The following RSF1 variants were observed in gnomAD, a reference collection of about 807,000 sequenced individuals.
RSF1 encodes HBV pX-associated protein 8.
RSF1 carries 13 observed loss-of-function variants against 145.2 expected under a neutral mutation model. The ratio of observed to expected loss-of-function variants is 0.09; its 90% CI spans 0.06 to 0.14. The LOEUF (loss-of-function observed/expected upper bound fraction) is 0.14. RSF1 is among the 10% of genes least tolerant of loss of function. RSF1 has a pLI of 1.00. For missense variants in RSF1, 1,517 were observed against 1,718.2 expected, an observed-to-expected ratio of 0.88 and a Z score of 2.07; for synonymous variants, 577 against 592.6, an observed-to-expected ratio of 0.97 and a Z score of 0.38.
chr11:77,832,969 G>A, the RSF1 span, among the ~76,000 whole-genome samples: 40 of 60,650 alleles, frequency 6.6e-4, 2 homozygotes, highest in African/African-American at 1.8e-3. Flanking sequence ...GTGTGTGTGT[G>A]TGTGTGTGTG....
chr11:77,869,794 C>T, the RSF1 span: 58 of 1,613,788 alleles, frequency 3.6e-5, no homozygotes, highest in East Asian at 8.2e-4. Context: ...TGTGATTGGC[C>T]GAGGGATGAG....
chr11:77,746,958 G>C, intron 3 of RSF1, 78 bp downstream of exon 3: 1 of 837,832 alleles, frequency 1.2e-6, no homozygotes, highest in Non-Finnish European at 1.9e-6. Context: ...TCTACTTTTT[G>C]TTTATTTTCC....
chr11:77,815,747 T>TA (rs969194599), intron 1 of RSF1, among the ~76,000 whole-genome samples: 1 of 149,912 alleles, frequency 6.7e-6, no homozygotes, highest in African/African-American at 2.4e-5. Flanking sequence ...AATGTTTTTT[T>TA]AAAAAAATAA....
chr11:77,872,128 TG>T, the RSF1 span: 70 of 1,587,278 alleles, frequency 4.4e-5, no homozygotes, highest in East Asian at 6.7e-5. Context: ...AAGGAACCCC[TG>T]GGGGGCCTTT....
At chr11:77,710,029 A>C (rs1429864307) in intron 5 of RSF1, among the ~76,000 whole-genome samples, 1 of 152,232 alleles carries the variant, frequency 6.6e-6, no homozygotes, top group Admixed American at 6.5e-5. Flanking sequence ...AAACAAATGC[A>C]TAGCTTAATA....
At chr11:77,741,550 T>G (rs1947939019) in intron 3 of RSF1, among the ~76,000 whole-genome samples, 1 of 147,496 alleles carries the variant, frequency 6.8e-6, no homozygotes, top group African/African-American at 2.5e-5. Context: ...TAAAAATGTT[T>G]CATTTTTTTT....
intron 1 of RSF1, among the ~76,000 whole-genome samples, chr11:77,766,110 A>T (rs1463160093): frequency 6.6e-6 from 1 of 151,824 alleles, no homozygotes; most frequent in African/African-American, 2.4e-5. Context: ...AAGATCCCAT[A>T]CTCAAATATA....
intron 1 of RSF1, among the ~76,000 whole-genome samples, chr11:77,812,210 A>G (rs1948738429): frequency 6.6e-6 from 1 of 152,152 alleles, no homozygotes; most frequent in African/African-American, 2.4e-5. Flanking sequence ...ACAAGCAGAA[A>G]TTCAATTTTC....
chr11:77,846,094 G>A, the RSF1 span, among the ~76,000 whole-genome samples: 4 of 151,684 alleles, frequency 2.6e-5, no homozygotes, highest in Admixed American at 1.3e-4. Context: ...AGGGTTTGTT[G>A]TTGCTATTTT....
At chr11:77,761,467 A>G (rs1230605014) in intron 2 of RSF1, among the ~76,000 whole-genome samples, 1 of 151,394 alleles carries the variant, frequency 6.6e-6, no homozygotes, top group Non-Finnish European at 1.5e-5. Context: ...GGGATAATTT[A>G]TTAATAATTG....
intron 4 of RSF1, among the ~76,000 whole-genome samples, chr11:77,737,121 C>A (rs1195925569): frequency 6.6e-6 from 1 of 152,082 alleles, no homozygotes; most frequent in African/African-American, 2.4e-5. Flanking sequence ...TAACCTGGCA[C>A]CATTTTCTAA....
intron 9 of RSF1, among the ~76,000 whole-genome samples, chr11:77,685,662 G>C (rs893143390): frequency 2.6e-5 from 4 of 152,046 alleles, no homozygotes; most frequent in African/African-American, 7.2e-5. Flanking sequence ...ACATTTCCTA[G>C]GGTTAAGATA....
rs989462577 is a variant in RSF1, at chr11:77,667,116, G to A, written c.4127C>T (p.Pro1376Leu). The A allele has an allele frequency of 1.7e-5, 27 of 1,614,070 alleles. No individual in the cohort carries two copies. Among genetic ancestry groups the A allele is most frequent in the Non-Finnish European group, 2.3e-5 (27 of 1,180,054 alleles). Reference sequence around the variant, plus strand: ...AATCAAGTTCTCAATGGCTTTGCCAGGGCTCTGTCCATTGGTTGAAGGTAA... The same window carrying A: ...AATCAAGTTCTCAATGGCTTTGCCAAGGCTCTGTCCATTGGTTGAAGGTAA... ...VDLPSTNGQS[P>L]GKAIENLIGK... The change falls in exon 16 of 16, where the codon CCT (proline) becomes CTT (leucine). Residue 1376 changes from proline to leucine, a missense_variant. Pro to Leu is a moderately conservative substitution (Grantham distance 98, BLOSUM62 -3). Transcript: ENST00000308488.
At position 77,681,566 on chromosome 11, in the gene RSF1, C is replaced by T. The variant is rs537776615; in HGVS notation, c.3065+2144G>A. Among the ~76,000 whole-genome samples the T allele has an allele frequency of 2.4e-4, 36 of 152,266 alleles. 1 individual carries two copies. The East Asian group carries it at 6.4e-3, about 27-fold the overall frequency. ...AAGTACTGGGATTTCAAGTGTAAGC[C>T]ACCATGCCCAGCCAATTTATGTGCA... On this transcript the variant is annotated intron_variant, in intron 11 of 15. Coordinates refer to ENST00000308488, the MANE Select transcript of RSF1 (RefSeq NM_016578.4).
At chr11:77,825,461 T>C (rs919809137), upstream of RSF1, among the ~76,000 whole-genome samples, 2 of 152,156 alleles carry the variant, frequency 1.3e-5, no homozygotes, top group African/African-American at 4.8e-5. Context: ...TGAAGGTATA[T>C]GGACTTAATA....
intron 4 of RSF1, chr11:77,734,789 G>C: frequency 6.3e-7 from 1 of 1,593,176 alleles, no homozygotes; most frequent in Admixed American, 1.7e-5. Flanking sequence ...AGGAAGATTC[G>C]GCCACCTCGT....
At chr11:77,831,497 A>G in the RSF1 span, among the ~76,000 whole-genome samples, 1 of 152,102 alleles carries the variant, frequency 6.6e-6, no homozygotes, top group South Asian at 2.1e-4. Flanking sequence ...ATTCTTACTT[A>G]GTAGATCTCT....
At position 77,799,996 on chromosome 11, in the gene RSF1, T is replaced by C. The variant is rs1314819945; in HGVS notation, c.187+20532A>G. 3.3e-5 allele frequency among the ~76,000 whole-genome samples: 5 copies of C among 152,074 alleles called. No individual in the cohort carries two copies. In the East Asian group the frequency reaches 9.6e-4, roughly 29 times the overall value. On this transcript the variant is annotated intron_variant, in intron 1 of 15. Transcript: ENST00000308488. ...ATATCCCTGTACAGAGTAAAGAGAC[T>C]GAGTCACAAATCAGCTTTCCCACAA...
intron 1 of RSF1, among the ~76,000 whole-genome samples, chr11:77,778,402 A>G (rs1948370435): frequency 6.6e-6 from 1 of 152,116 alleles, no homozygotes; most frequent in East Asian, 1.9e-4. Context: ...TTTATATGTG[A>G]CACTGAACAA....
Sources: allele counts gnomAD v4.1 joint callset (sites outside exome capture counted in the v4.1 genomes callset), GRCh38; gene constraint gnomAD v4.1.1; transcripts MANE v1.5; gene names NCBI Gene and HGNC (gene_info 2026-07-23, HGNC 2026-07-21).